FLT1: variants seen among roughly 807,000 people sequenced by gnomAD.
FLT1 encodes fms related receptor tyrosine kinase 1, also known as vascular endothelial growth factor receptor 1.
Under a neutral mutation model 156.3 loss-of-function variants are expected in FLT1, and 49 were observed. The ratio of observed to expected loss-of-function variants is 0.31; its 90% CI spans 0.25 to 0.40. FLT1 has a LOEUF of 0.40. FLT1 is among the 10% of genes least tolerant of loss of function. The probability of loss-of-function intolerance (pLI) is 1.00; values close to 1 mark genes in which losing one functional copy is unlikely to be tolerated. For missense variants in FLT1, 1,322 were observed against 1,637.2 expected (o/e 0.81, Z 3.32); for synonymous variants, 594 against 583.8 (o/e 1.02, Z -0.25).
intron 1 of FLT1, among the ~76,000 whole-genome samples, chr13:28,477,893 A>G (rs1186412529): frequency 6.6e-6 from 1 of 152,226 alleles, no homozygotes; most frequent in African/African-American, 2.4e-5. Flanking sequence ...GAACACCTGG[A>G]AGAGACATGA....
intron 1 of FLT1, among the ~76,000 whole-genome samples, chr13:28,483,861 C>G (rs1360034610): frequency 6.6e-6 from 1 of 152,060 alleles, no homozygotes; most frequent in African/African-American, 2.4e-5. Flanking sequence ...AAACTCTTGC[C>G]TTTTTTCTTT....
At chr13:28,456,834 G>A (rs1879297905) in intron 3 of FLT1, among the ~76,000 whole-genome samples, 1 of 151,842 alleles carries the variant, frequency 6.6e-6, no homozygotes, top group South Asian at 2.1e-4. Flanking sequence ...ATAGGTGTTT[G>A]CCAGGGGTTG....
intron 12 of FLT1, among the ~76,000 whole-genome samples, chr13:28,390,776 A>G (rs1219722768): frequency 6.6e-6 from 1 of 152,216 alleles, no homozygotes; most frequent in Non-Finnish European, 1.5e-5. Flanking sequence ...GTGAAGTAAC[A>G]TAAGAGCAAT....
chr13:28,339,365 G>C, intron 16 of FLT1, 65 bp from the exon 17 acceptor site: 1 of 1,547,290 alleles, frequency 6.5e-7, no homozygotes. Flanking sequence ...TAGATATTCC[G>C]TTAACATCCA....
At chr13:28,395,220 C>A (rs559244610) in intron 12 of FLT1, among the ~76,000 whole-genome samples, 36 of 152,242 alleles carry the variant, frequency 2.4e-4, no homozygotes, top group African/African-American at 7.9e-4. Flanking sequence ...TAGAACTTGT[C>A]AGTAGTTAGA....
At position 28,306,723 on chromosome 13, in the gene FLT1, C is replaced by T. The variant is rs746322044; in HGVS notation, c.3770G>A (p.Arg1257His). The stretch of plus-strand genomic sequence containing the variant: ...GGGTTTGCTGTCAGTCCAGGTGAAG[C>T]GCTTCAGCATGGGAGAGGCCAACAG... ...STLLASPMLK[R>H]FTWTDSKPKA... Residue 1257 changes from arginine (R) to histidine (H), a missense_variant, in exon 29 of 30, where the codon CGC (arginine) becomes CAC (histidine). Arg to His is a conservative substitution (Grantham distance 29, BLOSUM62 0). Around this residue, in one of 3 missense-constraint regions of FLT1, gnomAD observed 329 missense variants for 366.2 expected, o/e 0.90. Coordinates refer to ENST00000282397, the MANE Select transcript of FLT1 (RefSeq NM_002019.4). 39 of 1,613,812 alleles carry T rather than the reference C, an allele frequency of 2.4e-5. No homozygotes were observed. Among genetic ancestry groups the T allele is most frequent in the Non-Finnish European group, 3.0e-5 (35 of 1,179,878 alleles).
chr13:28,340,610 T>C (rs1327265204), intron 16 of FLT1, among the ~76,000 whole-genome samples: 2 of 152,168 alleles, frequency 1.3e-5, no homozygotes, highest in African/African-American at 4.8e-5. Context: ...TTCCTTTTGG[T>C]GCTTTTCCCT....
chr13:28,332,139 G>T (rs1871955236), intron 18 of FLT1, among the ~76,000 whole-genome samples: 1 of 152,102 alleles, frequency 6.6e-6, no homozygotes. Flanking sequence ...GAGGTGGAAG[G>T]ACTGCTTGAG....
chr13:28,473,784 A>G (rs1483004782), intron 1 of FLT1, among the ~76,000 whole-genome samples: 1 of 93,806 alleles, frequency 1.1e-5, no homozygotes, highest in East Asian at 3.0e-4. Flanking sequence ...GAAGGAAAGA[A>G]AGAAAGAAAG....
chr13:28,469,269 T>C (rs1423934388), intron 1 of FLT1, among the ~76,000 whole-genome samples: 1 of 152,194 alleles, frequency 6.6e-6, no homozygotes, highest in African/African-American at 2.4e-5. Flanking sequence ...GAAGCAAAGG[T>C]AGAAGCTCTA....
At chr13:28,411,826 C>A (rs1009925316) in intron 10 of FLT1, among the ~76,000 whole-genome samples, 1 of 152,150 alleles carries the variant, frequency 6.6e-6, no homozygotes, top group African/African-American at 2.4e-5. Flanking sequence ...ATAATGAAAG[C>A]ACATTTAATT....
intron 16 of FLT1, among the ~76,000 whole-genome samples, chr13:28,342,454 A>G (rs1287827733): frequency 1.3e-5 from 2 of 152,064 alleles, no homozygotes; most frequent in Admixed American, 6.6e-5. Context: ...CTCCCCTTTC[A>G]AAACTATTGT....
intron 16 of FLT1, among the ~76,000 whole-genome samples, chr13:28,339,731 C>A (rs1872259787): frequency 1.3e-5 from 2 of 152,168 alleles, no homozygotes; most frequent in Admixed American, 6.5e-5. Context: ...GTGGGGCGCA[C>A]TGTGGCTTTT....
At position 28,302,899 on chromosome 13, in the gene FLT1, A is replaced by AAGTC. The variant is rs1423304525; in HGVS notation, c.*264_*267dup. ...TGAGGTGGCGGGGGTTGGAGCAGGG[A>AAGTC]AGTCATTGGGTTTAGGAAGGATTTC... On this transcript the variant is annotated 3_prime_UTR_variant, in exon 30 of 30. Transcript: ENST00000282397. 1.0e-5 allele frequency: 5 copies of AAGTC among 492,690 alleles called. No homozygotes were observed. Among genetic ancestry groups the AAGTC allele is most frequent in the African/African-American group, 1.9e-5 (1 of 52,024 alleles). 30.5% of individuals were successfully genotyped at this position (492,690 alleles called of 1,614,324 possible).
chr13:28,323,129 C>T lies in FLT1; in HGVS notation c.2797-183G>A, dbSNP rs183128844. Among the ~76,000 whole-genome samples the T allele has an allele frequency of 6.6e-5, 10 of 151,926 alleles. No individual in the cohort carries two copies. In the East Asian group the frequency reaches 1.9e-3, roughly 29 times the overall value. ...CTGACTACCTCTGGAGTTGCAGAGT[C>T]TATTGTGCTCTTGCCTGGGCTTCTA... is the stretch of plus-strand genomic sequence containing the variant. On this transcript the variant is annotated intron_variant, in intron 20 of 29. Coordinates refer to ENST00000282397, the MANE Select transcript of FLT1 (RefSeq NM_002019.4).
chr13:28,438,457 C>T, intron 3 of FLT1, 112 bp from the exon 4 acceptor site: 1 of 810,398 alleles, frequency 1.2e-6, no homozygotes, highest in Non-Finnish European at 2.1e-6. Flanking sequence ...GTCATTCTCC[C>T]TTAATGTAAT....
rs1411750922 is a variant in FLT1, at chr13:28,303,219, G to A, written c.3965C>T (p.Ser1322Phe). ...AELERKIACC[S>F]PPPDYNSVVL... ...CACCGAGTTGTAGTCTGGGGGCGGG[G>A]AGCAGCACGCGATTTTCCTTTCCAG... is the stretch of plus-strand genomic sequence containing the variant. Residue 1322 changes from serine (S) to phenylalanine (F), a missense_variant, in exon 30 of 30, where the codon TCC becomes TTC. Ser to Phe is a radical substitution (Grantham distance 155). Around this residue, in one of 3 missense-constraint regions of FLT1, gnomAD observed 329 missense variants for 366.2 expected, o/e 0.90. Transcript: ENST00000282397. The A allele has an allele frequency of 1.2e-6, 2 of 1,613,376 alleles. No homozygotes were observed. The highest frequency in any genetic ancestry group is 1.7e-6 in the Non-Finnish European group (2 of 1,180,012).
At chr13:28,451,648 G>A (rs1244783961) in intron 3 of FLT1, among the ~76,000 whole-genome samples, 2 of 152,146 alleles carry the variant, frequency 1.3e-5, no homozygotes, top group African/African-American at 4.8e-5. Flanking sequence ...CGGGGTGGAG[G>A]AGGGCAGTTG....
chr13:28,438,796 A>C (rs779354449), intron 3 of FLT1, among the ~76,000 whole-genome samples: 1 of 152,246 alleles, frequency 6.6e-6, no homozygotes, highest in Non-Finnish European at 1.5e-5. Context: ...AAGGTGATGC[A>C]GAAGTCTAGC....
Sources: allele counts gnomAD v4.1 joint callset (sites outside exome capture counted in the v4.1 genomes callset), GRCh38; gene constraint gnomAD v4.1.1; regional missense constraint gnomAD v4.1.1; transcripts MANE v1.5; gene names NCBI Gene and HGNC (gene_info 2026-07-23, HGNC 2026-07-21).